Variants in GNA11 observed in about 807,000 individuals in gnomAD.
The protein encoded by GNA11 is guanine nucleotide-binding protein subunit alpha-11.
In GNA11, 8 loss-of-function variants were observed where a neutral mutation model predicts 38.2. The observed-to-expected ratio is 0.21, with a 90% CI of 0.12 to 0.38. The LOEUF (loss-of-function observed/expected upper bound fraction) is 0.38. Among genes scored for constraint, GNA11 ranks in the 10% least tolerant of loss-of-function variants. GNA11 has a pLI of 1.00. For missense variants in GNA11, 268 were observed against 516.3 expected (o/e 0.52, Z 4.66); for synonymous variants, 211 against 221.4 (o/e 0.95, Z 0.42).
intron 1 of GNA11, among the ~76,000 whole-genome samples, chr19:3,099,469 G>A (rs969611059): frequency 6.6e-5 from 10 of 152,184 alleles, no homozygotes; most frequent in African/African-American, 9.7e-5. Flanking sequence ...CCTAAGTGCC[G>A]GTTTGCTGGC....
chr19:3,114,472 G>A (rs1352845792), intron 3 of GNA11, among the ~76,000 whole-genome samples: 1 of 152,202 alleles, frequency 6.6e-6, no homozygotes, highest in Admixed American at 6.5e-5. Context: ...CGTACAGGGA[G>A]CAGCAGGGAG....
chr19:3,099,861 A>G (rs1452946377), intron 1 of GNA11, among the ~76,000 whole-genome samples: 4 of 152,146 alleles, frequency 2.6e-5, no homozygotes, highest in African/African-American at 4.8e-5. Context: ...CGGATCAGGT[A>G]CGTGGCCTGG....
In GNA11 at chr19:3,123,571, T is replaced by A. The variant is rs1914142589; in HGVS notation, c.*2392T>A. The A allele has an allele frequency of 4.3e-6, 1 of 232,890 alleles. No homozygotes were observed. The highest frequency in any genetic ancestry group is 5.6e-5 in the Admixed American group (1 of 17,768). The allele number at this position is 232,890 out of a possible 1,614,324, so 14.4% of individuals were successfully genotyped here. On this transcript the variant is annotated 3_prime_UTR_variant, in exon 7 of 7. Coordinates refer to ENST00000078429, the MANE Select transcript of GNA11 (RefSeq NM_002067.5). ...GATTTCTCGTGAGTGCCGACCACCT[T>A]CTCCGACCATGTTACGCCCGGGCGG... is the stretch of plus-strand genomic sequence containing the variant.
In GNA11 at chr19:3,122,137, G is replaced by A. The variant is rs1379176226; in HGVS notation, c.*958G>A. On this transcript the variant is annotated 3_prime_UTR_variant, in exon 7 of 7. Coordinates refer to ENST00000078429, the MANE Select transcript of GNA11 (RefSeq NM_002067.5). The surrounding 1 kb of genome is among the most constrained non-coding windows in gnomAD (Gnocchi z 7.7). ...GGTCCCCCGGTGACACTGGGAGAAAGGCCACTTGGATGGGGGCGTTTCTGT... is the reference window on the plus strand; with the variant it reads ...GGTCCCCCGGTGACACTGGGAGAAAAGCCACTTGGATGGGGGCGTTTCTGT... 62 of 233,330 alleles carry A rather than the reference G, an allele frequency of 2.7e-4. No homozygotes were observed. In the East Asian group the frequency reaches 3.7e-3, roughly 14 times the overall value. 14.5% of individuals were successfully genotyped at this position (233,330 alleles called of 1,614,324 possible). A position where few individuals can be genotyped will look rare whatever the true frequency, so the allele number is the denominator to read the frequency against.
At position 3,111,544 on chromosome 19, in the gene GNA11, G is replaced by A. The variant is rs926027652; in HGVS notation, c.321+1211G>A. Among the ~76,000 whole-genome samples, 8 of 152,260 alleles carry A rather than the reference G, an allele frequency of 5.3e-5. No individual in the cohort carries two copies. The South Asian group carries it at 8.3e-4, about 16-fold the overall frequency. On this transcript the variant is annotated intron_variant, in intron 2 of 6. Coordinates refer to ENST00000078429, the MANE Select transcript of GNA11 (RefSeq NM_002067.5). ...TCATGTTCCAGTGCATGGAGGGACC[G>A]CGTATTTGCCCATTTATCCCCTGGA...
rs1461959334 is a variant in GNA11, at chr19:3,107,452, G to A, written c.137-2697G>A. Among the ~76,000 whole-genome samples, 6 of 152,304 alleles carry A rather than the reference G, an allele frequency of 3.9e-5. No homozygotes were observed. The South Asian group carries it at 1.0e-3, about 26-fold the overall frequency. ...ACCAAGGGGCGGCGCCTTCTGACCC[G>A]AGTGCAGGGCCCTCCTCGCCTCCTG... On this transcript the variant is annotated intron_variant, in intron 1 of 6. Coordinates refer to ENST00000078429, the MANE Select transcript of GNA11 (RefSeq NM_002067.5).
chr19:3,105,910 G>A lies in GNA11; in HGVS notation c.137-4239G>A, dbSNP rs1007966689. 4.6e-5 allele frequency among the ~76,000 whole-genome samples: 7 copies of A among 152,282 alleles called. No individual in the cohort carries two copies. In the East Asian group the frequency reaches 7.7e-4, roughly 17 times the overall value. ...AGGTGCCCTGCAGTGGCCTGAGACC[G>A]GGAGATGAGGGCCGGCAAGGGGCTG... is the stretch of plus-strand genomic sequence containing the variant. On this transcript the variant is annotated intron_variant, in intron 1 of 6. Transcript: ENST00000078429.
chr19:3,106,743 C>T (rs1333685147), intron 1 of GNA11, among the ~76,000 whole-genome samples: 1 of 151,290 alleles, frequency 6.6e-6, no homozygotes, highest in East Asian at 1.9e-4. Context: ...GATGTACATG[C>T]ATGCATACAT....
intron 4 of GNA11, 144 bp downstream of exon 4, chr19:3,115,216 C>T (rs1913880124): frequency 1.1e-6 from 1 of 872,752 alleles, no homozygotes; most frequent in South Asian, 1.6e-5. Flanking sequence ...CCACCCTGGG[C>T]AACATAGCCA....
intron 1 of GNA11, among the ~76,000 whole-genome samples, chr19:3,101,555 AG>A (rs2145307353): frequency 4.5e-4 from 2 of 4,400 alleles, no homozygotes; most frequent in South Asian, 0.023. Context: ...ATGTCTGGAG[AG>A]GGGGCCTGGG....
intron 1 of GNA11, among the ~76,000 whole-genome samples, chr19:3,097,404 A>C (rs992823412): frequency 6.6e-5 from 10 of 151,826 alleles, no homozygotes; most frequent in Non-Finnish European, 1.5e-4. Flanking sequence ...GATGTCGGGG[A>C]GGGAGGCAGG....
intron 1 of GNA11, among the ~76,000 whole-genome samples, chr19:3,101,559 G>T (rs779847933): frequency 0.026 from 2 of 78 alleles, no homozygotes; most frequent in East Asian, 0.25. Flanking sequence ...CTGGAGAGGG[G>T]GCCTGGGCTC....
chr19:3,109,185 G>C (rs1390712506), intron 1 of GNA11, among the ~76,000 whole-genome samples: 3 of 152,266 alleles, frequency 2.0e-5, no homozygotes, highest in Admixed American at 1.3e-4. Context: ...TGGCATCCCA[G>C]CGTGTGAGGG....
rs113189925 is a variant in GNA11 at position 3,102,520 on chromosome 19, G to A, written c.137-7629G>A. Among the ~76,000 whole-genome samples the A allele has an allele frequency of 2.7e-3, 415 of 152,312 alleles. 1 individual carries two copies. The highest frequency in any genetic ancestry group is 9.6e-3 in the African/African-American group (397 of 41,564). On this transcript the variant is annotated intron_variant, in intron 1 of 6. Transcript: ENST00000078429. ...GGTGCGTGCTGGAGCAGAAGAGCAC[G>A]TCCTGGGCTGCCTGCCGGGGATAAG...
At position 3,110,287 on chromosome 19, in the gene GNA11, G is replaced by T. The variant is rs941191833; in HGVS notation, c.275G>T (p.Arg92Leu). The T allele has an allele frequency of 6.2e-7, 1 of 1,613,876 alleles. No individual in the cohort carries two copies. The highest frequency in any genetic ancestry group is 1.3e-5 in the African/African-American group (1 of 74,914). The change falls in exon 2 of 7, where the codon CGG becomes CTG. Residue 92 changes from arginine (R) to leucine (L), a missense_variant. Arg to Leu is a moderately radical substitution (Grantham distance 102). Around this residue, in one of 3 missense-constraint regions of GNA11, gnomAD observed 151 missense variants for 254.0 expected, o/e 0.59. Coordinates refer to ENST00000078429, the MANE Select transcript of GNA11 (RefSeq NM_002067.5). This position sits in a 1 kb window ranked among gnomAD's most constrained non-coding sequence, Gnocchi z 5.4. ...TTCACCGCCATGCAGGCCATGATCCGGGCCATGGAGACGCTCAAGATCCTC... is the reference window on the plus strand; with the variant it reads ...TTCACCGCCATGCAGGCCATGATCCTGGCCATGGAGACGCTCAAGATCCTC... ...NIFTAMQAMI[R>L]AMETLKILYK...
At chr19:3,098,986 G>T (rs563554701) in intron 1 of GNA11, among the ~76,000 whole-genome samples, 1 of 152,236 alleles carries the variant, frequency 6.6e-6, no homozygotes, top group Non-Finnish European at 1.5e-5. Flanking sequence ...TGTGAGCTCC[G>T]TGGAGCTTCC....
At chr19:3,113,649 G>C (rs2145319235) in intron 3 of GNA11, among the ~76,000 whole-genome samples, 165 bp downstream of exon 3, 1 of 152,348 alleles carries the variant, frequency 6.6e-6, no homozygotes, top group African/African-American at 2.4e-5. Context: ...GACCAGAGCA[G>C]ATCCCTGGAG....
At chr19:3,116,680 G>C (rs184092418) in intron 4 of GNA11, among the ~76,000 whole-genome samples, 3 of 152,214 alleles carry the variant, frequency 2.0e-5, no homozygotes, top group African/African-American at 7.2e-5. Flanking sequence ...GTGTTCGTGC[G>C]TGTGGGGCGC....
At chr19:3,116,565 A>G (rs1176542413) in intron 4 of GNA11, among the ~76,000 whole-genome samples, 1 of 152,220 alleles carries the variant, frequency 6.6e-6, no homozygotes, top group Non-Finnish European at 1.5e-5. Context: ...CTGTTCTCTT[A>G]TAACCTGTCC....
Sources: gnomAD v4.1 joint callset for allele counts (sites outside exome capture counted in the v4.1 genomes callset) on GRCh38, gnomAD v4.1.1 for gene constraint, gnomAD v4.1.1 regional missense constraint, Gnocchi (gnomAD v3.1) non-coding constraint, MANE v1.5 for transcripts, NCBI Gene and HGNC (gene_info 2026-07-23, HGNC 2026-07-21) for gene names.